Variants in SPAG9 observed in about 807,000 individuals in gnomAD.
SPAG9 encodes the protein sperm associated antigen 9.
Under a neutral mutation model 166.5 loss-of-function variants are expected in SPAG9, and 35 were observed. That is an observed-to-expected ratio of 0.21 (90% CI 0.16 to 0.28). The LOEUF (loss-of-function observed/expected upper bound fraction) is 0.28. Among genes scored for constraint, SPAG9 ranks in the 10% least tolerant of loss-of-function variants. The pLI, the probability that SPAG9 is intolerant of heterozygous loss-of-function variation, is 1.00. For missense variants in SPAG9, 1,235 were observed against 1,603.3 expected (o/e 0.77, Z 3.92); for synonymous variants, 534 against 565.5 (o/e 0.94, Z 0.79).
intron 12 of SPAG9, among the ~76,000 whole-genome samples, chr17:51,004,390 C>T (rs2045103413): frequency 6.6e-6 from 1 of 152,058 alleles, no homozygotes; most frequent in Non-Finnish European, 1.5e-5. Context: ...TCATTCTGTC[C>T]AAAACAACCA....
intron 1 of SPAG9, among the ~76,000 whole-genome samples, chr17:51,091,734 T>TC (rs1442587447): frequency 6.6e-6 from 1 of 151,822 alleles, no homozygotes; most frequent in Non-Finnish European, 1.5e-5. Flanking sequence ...TAAATACCCC[T>TC]CTTCCCTTTC....
chr17:51,001,928 A>G, intron 12 of SPAG9, 83 bp from the exon 13 acceptor site: 1 of 1,327,702 alleles, frequency 7.5e-7, no homozygotes, highest in South Asian at 1.4e-5. Flanking sequence ...AAAATCTTTC[A>G]GTTTTTAAGC....
At chr17:51,081,968 A>G (rs1006617684) in intron 1 of SPAG9, among the ~76,000 whole-genome samples, 1 of 151,960 alleles carries the variant, frequency 6.6e-6, no homozygotes. Context: ...GCTTCCTACT[A>G]CCTAGAATTC....
In SPAG9 at chr17:50,995,230, CA is replaced by C. The variant is rs978743575; in HGVS notation, c.2059-7del. On this transcript the variant is annotated splice_polypyrimidine_tract_variant and splice_region_variant and intron_variant, in intron 17 of 29. Coordinates refer to ENST00000262013, the MANE Select transcript of SPAG9 (RefSeq NM_001130528.3). ...ACTCCAACAGCACACCACAGCTTCTCAGGTGAAAAAGAAAACAATATTAAGT... is the reference window on the plus strand; with the variant it reads ...ACTCCAACAGCACACCACAGCTTCTCGGTGAAAAAGAAAACAATATTAAGT... 1 of 1,606,114 alleles carries C rather than the reference CA, an allele frequency of 6.2e-7. No homozygotes were observed. The highest frequency in any genetic ancestry group is 1.3e-5 in the African/African-American group (1 of 74,458).
rs1377620526 is a variant in SPAG9, at chr17:51,120,756, G to A, written c.-100C>T. The A allele has an allele frequency of 9.3e-7, 1 of 1,072,574 alleles. No homozygotes were observed. Among genetic ancestry groups the A allele is most frequent in the East Asian group, 2.9e-5 (1 of 34,550 alleles). The allele number at this position is 1,072,574 out of a possible 1,614,324, so 66.4% of individuals were successfully genotyped here. On this transcript the variant is annotated 5_prime_UTR_variant, in exon 1 of 30. Coordinates refer to ENST00000262013, the MANE Select transcript of SPAG9 (RefSeq NM_001130528.3). The surrounding 1 kb of genome is among the most constrained non-coding windows in gnomAD (Gnocchi z 4.7). The stretch of plus-strand genomic sequence containing the variant: ...CGACTCGGGCTGGGACGGGTACTAG[G>A]GCTGGAGCCCGGGCCGGGGCTGGGG...
chr17:51,063,650 A>T (rs2047580647), intron 2 of SPAG9, among the ~76,000 whole-genome samples: 1 of 151,696 alleles, frequency 6.6e-6, no homozygotes. Context: ...TTGGGAGACC[A>T]AGGTGGGTGG....
In SPAG9 at chr17:51,089,660, A is replaced by G. The variant is rs1177081671; in HGVS notation, c.304-9956T>C. Among the ~76,000 whole-genome samples, 355 of 105,280 alleles carry G rather than the reference A, an allele frequency of 3.4e-3. 3 individuals are homozygous for G. The highest frequency in any genetic ancestry group is 6.0e-3 in the Non-Finnish European group (306 of 51,220). The allele number at this position is 105,280 out of a possible 152,430, so 69.1% of individuals were successfully genotyped here. The stretch of plus-strand genomic sequence containing the variant: ...TATATATATATATATATATATATAT[A>G]TATACACATACACACACACACTTTC... On this transcript the variant is annotated intron_variant, in intron 1 of 29. Transcript: ENST00000262013.
intron 5 of SPAG9, among the ~76,000 whole-genome samples, chr17:51,037,681 A>AGTG (rs1248798116): frequency 5.1e-5 from 5 of 98,744 alleles, no homozygotes; most frequent in Non-Finnish European, 9.7e-5. Context: ...ATATATATAT[A>AGTG]TATAGTGTGT....
chr17:51,053,850 A>ATAT (rs2047256222), intron 3 of SPAG9, among the ~76,000 whole-genome samples: 2 of 57,204 alleles, frequency 3.5e-5, no homozygotes, highest in African/African-American at 1.8e-4. Context: ...AAAAAAAAAA[A>ATAT]AAAAGTATAT....
At chr17:50,992,420 CA>C (rs1447090976) in intron 19 of SPAG9, among the ~76,000 whole-genome samples, 1 of 152,070 alleles carries the variant, frequency 6.6e-6, no homozygotes. Context: ...CTGGGCATCC[CA>C]ATACTTCGGG....
intron 2 of SPAG9, among the ~76,000 whole-genome samples, chr17:51,066,013 TAC>T (rs1262504347): frequency 6.6e-6 from 1 of 152,228 alleles, no homozygotes; most frequent in African/African-American, 2.4e-5. Context: ...TTATAGCAAC[TAC>T]AGTTAGCTTA....
chr17:50,974,618 C>T (rs1169184974), intron 28 of SPAG9, among the ~76,000 whole-genome samples, 153 bp downstream of exon 28: 1 of 152,168 alleles, frequency 6.6e-6, no homozygotes, highest in African/African-American at 2.4e-5. Context: ...CCCTATAGCA[C>T]CTTAGTCACA....
chr17:51,029,434 A>G (rs2046306601), intron 6 of SPAG9, among the ~76,000 whole-genome samples: 2 of 152,236 alleles, frequency 1.3e-5, no homozygotes, highest in African/African-American at 2.4e-5. Flanking sequence ...TAGAACTACC[A>G]TATCATCCAG....
At chr17:51,074,032 C>T (rs930669369) in intron 2 of SPAG9, among the ~76,000 whole-genome samples, 2 of 151,870 alleles carry the variant, frequency 1.3e-5, no homozygotes, top group Non-Finnish European at 1.5e-5. Context: ...GTCAGGAGAT[C>T]GAGACCATCA....
chr17:51,098,523 G>A (rs540036646), intron 1 of SPAG9, among the ~76,000 whole-genome samples: 3 of 151,954 alleles, frequency 2.0e-5, no homozygotes, highest in South Asian at 2.1e-4. Flanking sequence ...ACGGAGTTTC[G>A]CTCTTGTTGC....
Position 50,984,933 on chromosome 17 carries a change from G to A in SPAG9, c.3078C>T (p.His1026=), listed in dbSNP as rs1400554581. 7 of 1,613,992 alleles carry A rather than the reference G, an allele frequency of 4.3e-6. No individual in the cohort carries two copies. The South Asian group carries it at 6.6e-5, about 15-fold the overall frequency. Residue 1026 remains histidine (H), a synonymous_variant, in exon 24 of 30, where the codon CAC becomes CAT. Transcript: ENST00000262013. ...ALADGTLAIF[H]RGVDGQWDLS... is the part of the protein sequence containing the mutation. The stretch of plus-strand genomic sequence containing the variant: ...CACATCACCACTCACCCACTCCTCT[G>A]TGAAAGATTGCAAGGGTGCCGTCAG...
intron 1 of SPAG9, among the ~76,000 whole-genome samples, chr17:51,093,846 A>C (rs1168846794): frequency 6.6e-6 from 1 of 152,126 alleles, no homozygotes; most frequent in Non-Finnish European, 1.5e-5. Flanking sequence ...CCTAGTAGGT[A>C]GACAGTCCCA....
Position 51,069,987 on chromosome 17 carries a change from A to G in SPAG9, c.424+9597T>C, listed in dbSNP as rs573769661. Among the ~76,000 whole-genome samples, 19 of 152,114 alleles carry G rather than the reference A, an allele frequency of 1.2e-4. No homozygotes were observed. The South Asian group carries it at 3.9e-3, about 32-fold the overall frequency. ...AGCTTAAAATCACAGCCACGGGTGC[A>G]GTGGCATGCACCTGAGGTGGGCTCC... On this transcript the variant is annotated intron_variant, in intron 2 of 29. Coordinates refer to ENST00000262013, the MANE Select transcript of SPAG9 (RefSeq NM_001130528.3).
intron 2 of SPAG9, among the ~76,000 whole-genome samples, chr17:51,075,248 A>G (rs2047938851): frequency 1.3e-5 from 2 of 150,542 alleles, no homozygotes; most frequent in Non-Finnish European, 3.0e-5. Context: ...AGAAACCACT[A>G]TATTTTGTTT....
Sources: gnomAD v4.1 joint callset for allele counts (sites outside exome capture counted in the v4.1 genomes callset) on GRCh38, gnomAD v4.1.1 for gene constraint, Gnocchi (gnomAD v3.1) non-coding constraint, MANE v1.5 for transcripts, NCBI Gene and HGNC (gene_info 2026-07-23, HGNC 2026-07-21) for gene names.